SAMMSON: variants seen among roughly 807,000 people sequenced by gnomAD.
SAMMSON encodes the protein survival associated mitochondrial melanoma specific oncogenic non-coding RNA.
chr3:70,094,762 G>C (rs1340408253), intron 4 of SAMMSON: 1 of 152,242 alleles, frequency 6.6e-6, no homozygotes, highest in Non-Finnish European at 1.5e-5. Context: ...CATTGAGATG[G>C]CAGCGAGAGA....
intron 9 of SAMMSON, among the ~76,000 whole-genome samples, chr3:70,383,553 C>G (rs1480835778): frequency 6.6e-6 from 1 of 151,986 alleles, no homozygotes; most frequent in African/African-American, 2.4e-5. Flanking sequence ...CAGTGCCAAT[C>G]TTAACTTAGA....
intron 6 of SAMMSON, chr3:70,271,649 TAAG>T (rs1701976353): frequency 6.6e-6 from 1 of 152,206 alleles, no homozygotes; most frequent in Non-Finnish European, 1.5e-5. Flanking sequence ...CTGACTCATC[TAAG>T]AAGGTCTCTG....
intron 3 of SAMMSON, among the ~76,000 whole-genome samples, chr3:70,062,616 G>C (rs958849937): frequency 6.6e-6 from 1 of 152,028 alleles, no homozygotes; most frequent in Non-Finnish European, 1.5e-5. Context: ...TAATCTCTTT[G>C]ATATTGCACT....
chr3:70,352,060 C>G (rs1203306978), intron 7 of SAMMSON, among the ~76,000 whole-genome samples: 3 of 149,308 alleles, frequency 2.0e-5, no homozygotes, highest in African/African-American at 7.4e-5. Context: ...AGAAAGATAG[C>G]AGGGCTGAAA....
At chr3:70,154,019 A>G (rs2067581969) in intron 4 of SAMMSON, among the ~76,000 whole-genome samples, 1 of 150,192 alleles carries the variant, frequency 6.7e-6, no homozygotes, top group Non-Finnish European at 1.5e-5. Context: ...TTATCCTGCT[A>G]TTTTTTTTCA....
At chr3:70,159,572 T>C (rs2067605839) in intron 4 of SAMMSON, 1 of 151,482 alleles carries the variant, frequency 6.6e-6, no homozygotes, top group Non-Finnish European at 1.5e-5. Context: ...TTGTCTGACT[T>C]TTTTTTTTCA....
chr3:70,345,472 A>G (rs72947157), intron 7 of SAMMSON, among the ~76,000 whole-genome samples: 1 of 152,202 alleles, frequency 6.6e-6, no homozygotes, highest in Non-Finnish European at 1.5e-5. Context: ...GCATTTTATC[A>G]TTTGATTCTC....
intron 7 of SAMMSON, among the ~76,000 whole-genome samples, chr3:70,305,370 T>G (rs1702390610): frequency 6.6e-6 from 1 of 152,204 alleles, no homozygotes; most frequent in Non-Finnish European, 1.5e-5. Flanking sequence ...ATTACCTGTG[T>G]TTACATAGTA....
Position 70,418,975 on chromosome 3 carries a change from TTCCTTCTC to T in SAMMSON, n.234-43582_234-43575del, listed in dbSNP as rs779983645. 1.7e-3 allele frequency among the ~76,000 whole-genome samples: 125 copies of T among 73,038 alleles called. 1 individual carries two copies. In the East Asian group the frequency reaches 0.024, roughly 14 times the overall value. The allele number at this position is 73,038 out of a possible 152,430, so 47.9% of individuals were successfully genotyped here. Reference sequence around the variant, plus strand: ...CTTTCCTTTCCTTTCCTTTCCTTCCTTCCTTCTCTCTCTCTCTCTCTCTCTCTTTCTTT... The same window carrying T: ...CTTTCCTTTCCTTTCCTTTCCTTCCTTCTCTCTCTCTCTCTCTCTTTCTTT... On this transcript the variant is annotated intron_variant and non_coding_transcript_variant, in intron 2 of 3. Coordinates refer to the SAMMSON transcript ENST00000641053.
At chr3:70,088,148 A>G (rs1021419650) in intron 4 of SAMMSON, among the ~76,000 whole-genome samples, 3 of 152,174 alleles carry the variant, frequency 2.0e-5, no homozygotes, top group Admixed American at 1.3e-4. Context: ...CTCTAGGGTT[A>G]CAGTATAGAG....
At chr3:70,137,487 A>T (rs1174899334) in intron 4 of SAMMSON, 1 of 152,192 alleles carries the variant, frequency 6.6e-6, no homozygotes, top group African/African-American at 2.4e-5. Context: ...AAAAAGTCTT[A>T]TTGGGACACA....
chr3:70,180,444 A>G (rs1415025140), intron 4 of SAMMSON, among the ~76,000 whole-genome samples: 4 of 152,176 alleles, frequency 2.6e-5, no homozygotes, highest in Non-Finnish European at 5.9e-5. Context: ...TGTTGCATAT[A>G]TAATATCTAG....
At chr3:70,389,206 C>T (rs1450368619) in intron 9 of SAMMSON, among the ~76,000 whole-genome samples, 4 of 152,214 alleles carry the variant, frequency 2.6e-5, no homozygotes, top group Non-Finnish European at 5.9e-5. Flanking sequence ...AACCTCTTTC[C>T]TTTATAAACT....
chr3:70,037,818 A>C (rs1210113568), intron 3 of SAMMSON, among the ~76,000 whole-genome samples: 1 of 152,154 alleles, frequency 6.6e-6, no homozygotes, highest in African/African-American at 2.4e-5. Flanking sequence ...AATTGACCTA[A>C]GGTGACATGA....
rs559551015 is a variant in SAMMSON, at chr3:70,050,342, A to G, written n.418-21134A>G. ...ATGAATTCCTCCATCTCACAACCCCACCCAGGACCTTGGCATTGGGTTGGC... is the reference window on the plus strand; with the variant it reads ...ATGAATTCCTCCATCTCACAACCCCGCCCAGGACCTTGGCATTGGGTTGGC... On this transcript the variant is annotated intron_variant and non_coding_transcript_variant, in intron 3 of 9. Transcript: ENST00000642114. Among the ~76,000 whole-genome samples the G allele has an allele frequency of 5.9e-5, 9 of 152,120 alleles. No homozygotes were observed. The East Asian group carries it at 1.7e-3, about 30-fold the overall frequency.
intron 4 of SAMMSON, among the ~76,000 whole-genome samples, chr3:70,207,355 C>G (rs1701302732): frequency 6.6e-6 from 1 of 152,080 alleles, no homozygotes; most frequent in Admixed American, 6.6e-5. Flanking sequence ...ATTTAAGTTC[C>G]TATTCAGGTG....
In SAMMSON at chr3:70,236,684, C is replaced by T. The variant is rs535258149; in HGVS notation, n.508-12423C>T. On this transcript the variant is annotated intron_variant and non_coding_transcript_variant, in intron 4 of 9. Coordinates refer to ENST00000642114, the Ensembl canonical transcript of SAMMSON. ...AATCATGGCTCGCTGCAGTCTCAAC[C>T]TCCCAGGTCCAAGCAATCCTCCTGC... Among the ~76,000 whole-genome samples the T allele has an allele frequency of 1.2e-3, 188 of 152,246 alleles. 1 individual carries two copies. Among genetic ancestry groups the T allele is most frequent in the Non-Finnish European group, 2.1e-3 (143 of 68,008 alleles).
intron 9 of SAMMSON, among the ~76,000 whole-genome samples, chr3:70,363,494 G>T (rs934826210): frequency 2.0e-5 from 3 of 151,888 alleles, no homozygotes; most frequent in Non-Finnish European, 4.4e-5. Flanking sequence ...ATGTTTCAGG[G>T]TACAACATCT....
chr3:70,201,847 T>C (rs1671782975), intron 4 of SAMMSON, among the ~76,000 whole-genome samples: 1 of 152,298 alleles, frequency 6.6e-6, no homozygotes, highest in South Asian at 2.1e-4. Context: ...CACTTGCTCT[T>C]AGTGGCTTCT....
Sources: gnomAD v4.1 joint callset for allele counts (sites outside exome capture counted in the v4.1 genomes callset) on GRCh38, gnomAD v4.1.1 for gene constraint, MANE v1.5 for transcripts, NCBI Gene and HGNC (gene_info 2026-07-23, HGNC 2026-07-21) for gene names.